The following FAM110B variants were observed in gnomAD, a reference collection of about 807,000 sequenced individuals.
The protein encoded by FAM110B is protein FAM110B.
FAM110B carries 6 observed loss-of-function variants against 20.4 expected under a neutral mutation model. The ratio of observed to expected loss-of-function variants is 0.29; its 90% CI spans 0.16 to 0.58. The LOEUF (loss-of-function observed/expected upper bound fraction) is 0.58, where lower values mean the gene tolerates loss of function less well. Ranked by LOEUF, FAM110B falls within the 20% of genes least tolerant of loss-of-function variation. The pLI is 0.90. For missense variants in FAM110B, 434 were observed against 498.2 expected (o/e 0.87, Z 1.23); for synonymous variants, 226 against 214.1 (o/e 1.06, Z -0.49).
At chr8:58,060,067 T>G (rs1805624626) in intron 2 of FAM110B, among the ~76,000 whole-genome samples, 1 of 152,098 alleles carries the variant, frequency 6.6e-6, no homozygotes, top group Admixed American at 6.5e-5. Context: ...CTATTTATAG[T>G]CTGTTTCTTG....
At chr8:58,012,211 T>C (rs193156214) in intron 1 of FAM110B, among the ~76,000 whole-genome samples, 1 of 152,336 alleles carries the variant, frequency 6.6e-6, no homozygotes, top group East Asian at 1.9e-4. Flanking sequence ...CTGTATTATA[T>C]GCTTAAATTT....
In FAM110B at chr8:58,147,280, AATC is replaced by A; in HGVS notation, c.1055_1057del (p.Ile352del). 1 of 1,614,186 alleles carries A rather than the reference AATC, an allele frequency of 6.2e-7. No homozygotes were observed. The highest frequency in any genetic ancestry group is 8.5e-7 in the Non-Finnish European group (1 of 1,180,032). On this transcript the variant is annotated inframe_deletion, in exon 4 of 4. Coordinates refer to ENST00000519262, the MANE Select transcript of FAM110B (RefSeq NM_001377989.1). ...TTTCTGCCATCGAAAGAAATGCTAG[AATC>A]ATCAAGTGGTTATATAGCATCAAAC...
rs185225225 is a variant in FAM110B at position 58,071,748 on chromosome 8, C to T, written c.-413-3787C>T. The stretch of plus-strand genomic sequence containing the variant: ...CTTGCCATGAATTGTAATAGAGTAT[C>T]GTCTATAATAAGAAAGTTTGATAGT... On this transcript the variant is annotated intron_variant, in intron 2 of 3. Coordinates refer to ENST00000519262, the MANE Select transcript of FAM110B (RefSeq NM_001377989.1). Among the ~76,000 whole-genome samples, 776 of 138,596 alleles carry T rather than the reference C, an allele frequency of 5.6e-3. 6 individuals carry two copies. Among genetic ancestry groups the T allele is most frequent in the African/African-American group, 0.02 (724 of 36,756 alleles). 90.9% of individuals were successfully genotyped at this position (138,596 alleles called of 152,430 possible). A position where few individuals can be genotyped will look rare whatever the true frequency, so the allele number is the denominator to read the frequency against.
intron 3 of FAM110B, among the ~76,000 whole-genome samples, chr8:58,104,401 A>G (rs1334022328): frequency 6.6e-6 from 1 of 152,248 alleles, no homozygotes; most frequent in African/African-American, 2.4e-5. Context: ...CGTTTTATAT[A>G]TGGGCCATTT....
rs984823894 is a variant in FAM110B, at chr8:58,038,615, A to C, written c.-414+6912A>C. On this transcript the variant is annotated intron_variant, in intron 2 of 3. Transcript: ENST00000519262. ...AAAAACGCAAAAGTTAGCCAGGTGT[A>C]GGGGCACAGGCCTGTAATCCCAGCT... 1.1e-4 allele frequency among the ~76,000 whole-genome samples: 16 copies of C among 152,096 alleles called. No homozygotes were observed. In the East Asian group the frequency reaches 3.1e-3, roughly 29 times the overall value.
intron 3 of FAM110B, among the ~76,000 whole-genome samples, chr8:58,118,563 G>A (rs771855942): frequency 7.2e-5 from 11 of 152,166 alleles, no homozygotes; most frequent in Non-Finnish European, 1.3e-4. Context: ...AGGGTGGGGC[G>A]TGGTACCTGG....
chr8:58,121,368 C>G (rs1807357705), intron 3 of FAM110B, among the ~76,000 whole-genome samples: 1 of 152,160 alleles, frequency 6.6e-6, no homozygotes, highest in African/African-American at 2.4e-5. Flanking sequence ...GGGTTTCAGT[C>G]AATCTTAGCT....
chr8:58,020,427 C>A (rs1040309733), intron 1 of FAM110B, among the ~76,000 whole-genome samples: 1 of 152,114 alleles, frequency 6.6e-6, no homozygotes, highest in African/African-American at 2.4e-5. Flanking sequence ...TTGTTTGTTT[C>A]ATTTCTCAAG....
chr8:58,078,318 C>T (rs1370981771), intron 3 of FAM110B, among the ~76,000 whole-genome samples: 1 of 152,124 alleles, frequency 6.6e-6, no homozygotes, highest in Non-Finnish European at 1.5e-5. Flanking sequence ...GGAGTTTGTT[C>T]ATCCTAGAAT....
chr8:58,143,726 C>T (rs564463509), intron 3 of FAM110B, among the ~76,000 whole-genome samples: 492 of 152,320 alleles, frequency 3.2e-3, no homozygotes, highest in South Asian at 7.7e-3. Flanking sequence ...CCAAAGCCTA[C>T]CTTAACAGAC....
At chr8:58,048,814 A>C (rs115217888) in intron 2 of FAM110B, among the ~76,000 whole-genome samples, 1 of 152,192 alleles carries the variant, frequency 6.6e-6, no homozygotes, top group African/African-American at 2.4e-5. Flanking sequence ...ACATCTGATC[A>C]CTGAGTTTCA....
intron 2 of FAM110B, among the ~76,000 whole-genome samples, chr8:58,036,265 G>A (rs1036242380): frequency 6.6e-6 from 1 of 152,152 alleles, no homozygotes; most frequent in Admixed American, 6.5e-5. Context: ...ATTATATTCT[G>A]GCAGAGAACA....
intron 3 of FAM110B, among the ~76,000 whole-genome samples, chr8:58,094,288 G>A (rs1054572063): frequency 5.9e-5 from 9 of 152,112 alleles, no homozygotes; most frequent in African/African-American, 1.9e-4. Context: ...ACACTATGTC[G>A]AATAAGAGTG....
At chr8:58,141,325 A>G (rs1056525192) in intron 3 of FAM110B, among the ~76,000 whole-genome samples, 4 of 152,246 alleles carry the variant, frequency 2.6e-5, no homozygotes, top group Non-Finnish European at 5.9e-5. Flanking sequence ...AATAACTTCA[A>G]AGGTAAATTG....
intron 3 of FAM110B, among the ~76,000 whole-genome samples, chr8:58,090,191 G>C (rs72660392): frequency 6.6e-6 from 1 of 152,066 alleles, no homozygotes; most frequent in Non-Finnish European, 1.5e-5. Context: ...ACAAAGTCTC[G>C]CTGTGTTACC....
intron 1 of FAM110B, among the ~76,000 whole-genome samples, chr8:58,029,300 A>T (rs1053118224): frequency 6.6e-6 from 1 of 152,216 alleles, no homozygotes; most frequent in East Asian, 1.9e-4. Flanking sequence ...TATGATTATG[A>T]TCTGACTATG....
At chr8:58,089,149 C>T (rs1806410932) in intron 3 of FAM110B, among the ~76,000 whole-genome samples, 1 of 152,200 alleles carries the variant, frequency 6.6e-6, no homozygotes. Flanking sequence ...GCATCAGCCA[C>T]ATGAATTGGT....
chr8:58,092,249 TA>T (rs563159727), intron 3 of FAM110B, among the ~76,000 whole-genome samples: 4 of 152,218 alleles, frequency 2.6e-5, no homozygotes, highest in Non-Finnish European at 4.4e-5. Context: ...TTTTCTTATT[TA>T]TTTTTTTAAT....
chr8:58,143,682 C>T (rs541559765), intron 3 of FAM110B, among the ~76,000 whole-genome samples: 126 of 152,336 alleles, frequency 8.3e-4, no homozygotes, highest in Non-Finnish European at 1.4e-3. Context: ...TGTGAATCGA[C>T]AGTCAGGCTT....
Sources: allele counts gnomAD v4.1 joint callset (sites outside exome capture counted in the v4.1 genomes callset), GRCh38; gene constraint gnomAD v4.1.1; transcripts MANE v1.5; gene names NCBI Gene and HGNC (gene_info 2026-07-23, HGNC 2026-07-21).